The following NFIB variants were observed in gnomAD, a reference collection of about 807,000 sequenced individuals.
NFIB encodes nuclear factor 1 B-type.
In NFIB, 11 loss-of-function variants were observed where a neutral mutation model predicts 61.5. The observed-to-expected ratio is 0.18, with a 90% confidence interval of 0.11 to 0.30. The LOEUF (loss-of-function observed/expected upper bound fraction) is 0.30. NFIB is among the 10% of genes least tolerant of loss of function. NFIB has a pLI of 1.00. For missense variants in NFIB, 471 were observed against 608.9 expected (o/e 0.77, Z 2.38); for synonymous variants, 260 against 216.5 (o/e 1.20, Z -1.76).
chr9:14,208,936 G>A (rs971549472), intron 2 of NFIB, among the ~76,000 whole-genome samples: 4 of 151,676 alleles, frequency 2.6e-5, no homozygotes, highest in Admixed American at 1.3e-4. Context: ...ACCCATAAGG[G>A]AAAAGAAGAA....
intron 10 of NFIB, among the ~76,000 whole-genome samples, chr9:14,096,052 T>C (rs998915845): frequency 6.6e-6 from 1 of 152,108 alleles, no homozygotes; most frequent in Non-Finnish European, 1.5e-5. Context: ...TAAATATGAC[T>C]AAAAAAATCA....
At chr9:14,496,391 G>A in the NFIB span, among the ~76,000 whole-genome samples, 12 of 152,294 alleles carry the variant, frequency 7.9e-5, no homozygotes, top group Non-Finnish European at 8.8e-5. Context: ...GTCAGGTGTG[G>A]AATTTTCCAC....
intron 10 of NFIB, chr9:14,094,265 T>C (rs2034435017): frequency 1.3e-5 from 2 of 152,124 alleles, no homozygotes; most frequent in South Asian, 2.1e-4. Context: ...ACTTTGTGAA[T>C]TGAGGTTCAT....
At chr9:14,524,572 G>A in the NFIB span, among the ~76,000 whole-genome samples, 1 of 152,126 alleles carries the variant, frequency 6.6e-6, no homozygotes, top group African/African-American at 2.4e-5. Context: ...CCGCAAAATG[G>A]CACAGGTGAA....
intron 2 of NFIB, among the ~76,000 whole-genome samples, chr9:14,235,466 A>C (rs776392773): frequency 6.6e-6 from 1 of 152,134 alleles, no homozygotes; most frequent in Non-Finnish European, 1.5e-5. Flanking sequence ...TTGCCTGACA[A>C]CTTTGACATA....
chr9:14,252,866 A>C (rs997629624), intron 2 of NFIB, among the ~76,000 whole-genome samples: 1 of 150,774 alleles, frequency 6.6e-6, no homozygotes, highest in Admixed American at 6.6e-5. Flanking sequence ...TATTAAACTC[A>C]GGTAAACTTC....
intron 1 of NFIB, among the ~76,000 whole-genome samples, chr9:14,376,499 G>C (rs2061421099): frequency 6.7e-6 from 1 of 150,264 alleles, no homozygotes; most frequent in African/African-American, 2.5e-5. Flanking sequence ...ACTGGTTAAA[G>C]AGCACTTCTA....
intron 2 of NFIB, among the ~76,000 whole-genome samples, chr9:14,238,642 G>T (rs948550491): frequency 1.3e-5 from 2 of 152,114 alleles, no homozygotes; most frequent in African/African-American, 4.8e-5. Context: ...GCTTACATCC[G>T]CCTGGTCCAA....
chr9:14,109,256 G>A (rs900563084), intron 10 of NFIB, among the ~76,000 whole-genome samples: 2 of 151,994 alleles, frequency 1.3e-5, no homozygotes, highest in African/African-American at 2.4e-5. Context: ...CTGATTGATA[G>A]TTCCCATTTT....
At chr9:14,162,433 T>C (rs2044309315) in intron 3 of NFIB, among the ~76,000 whole-genome samples, 1 of 152,116 alleles carries the variant, frequency 6.6e-6, no homozygotes, top group South Asian at 2.1e-4. Flanking sequence ...GTAGATTTAA[T>C]TATCTTTGCT....
At chr9:14,261,835 A>T (rs1245669656) in intron 2 of NFIB, among the ~76,000 whole-genome samples, 1 of 152,184 alleles carries the variant, frequency 6.6e-6, no homozygotes, top group Non-Finnish European at 1.5e-5. Flanking sequence ...AGCTCAGTTA[A>T]TGGAAATTCG....
chr9:14,476,895 G>A, the NFIB span, among the ~76,000 whole-genome samples: 1 of 152,158 alleles, frequency 6.6e-6, no homozygotes, highest in Non-Finnish European at 1.5e-5. Flanking sequence ...ATAAATATTT[G>A]TTAAAAATAG....
chr9:14,257,848 T>G lies in NFIB; in HGVS notation c.562+49141A>C, dbSNP rs140399185. On this transcript the variant is annotated intron_variant, in intron 2 of 10. Transcript: ENST00000380953. Reference sequence around the variant, plus strand: ...GTTTCCTTGTCATTGAATTTATTAATATAAGTAGGCAGAATTATTTGTTAT... The same window carrying G: ...GTTTCCTTGTCATTGAATTTATTAAGATAAGTAGGCAGAATTATTTGTTAT... 4.6e-5 allele frequency among the ~76,000 whole-genome samples: 7 copies of G among 152,316 alleles called. No homozygotes were observed. In the South Asian group the frequency reaches 1.2e-3, roughly 27 times the overall value.
At chr9:14,449,546 T>C in the NFIB span, among the ~76,000 whole-genome samples, 4 of 152,210 alleles carry the variant, frequency 2.6e-5, no homozygotes, top group Non-Finnish European at 5.9e-5. Flanking sequence ...AGTGTGATCA[T>C]AAAGGAAGTT....
intron 1 of NFIB, among the ~76,000 whole-genome samples, chr9:14,319,313 A>G (rs2060611799): frequency 6.6e-6 from 1 of 152,190 alleles, no homozygotes. Flanking sequence ...TCCGGTTTTC[A>G]CTTCTCAACA....
At chr9:14,376,315 A>T (rs4741368) in intron 1 of NFIB, among the ~76,000 whole-genome samples, 47,627 of 151,992 alleles carry the variant, frequency 0.31, 8,257 homozygotes, top group Admixed American at 0.38. Context: ...CATAATTTTT[A>T]AAAAAGTTAA....
chr9:14,433,836 C>T, the NFIB span, among the ~76,000 whole-genome samples: 1 of 152,184 alleles, frequency 6.6e-6, no homozygotes, highest in Non-Finnish European at 1.5e-5. Flanking sequence ...ATAATGCTTT[C>T]TGTTTTATTG....
chr9:14,185,258 G>GA (rs1399128987), intron 2 of NFIB, among the ~76,000 whole-genome samples: 3 of 151,874 alleles, frequency 2.0e-5, no homozygotes, highest in Non-Finnish European at 4.4e-5. Context: ...ACAATGCCGT[G>GA]AAAAAACGAC....
intron 1 of NFIB, among the ~76,000 whole-genome samples, chr9:14,309,172 CTAAT>C (rs2060168670): frequency 6.6e-6 from 1 of 152,174 alleles, no homozygotes; most frequent in Non-Finnish European, 1.5e-5. Context: ...AGCAGACTGA[CTAAT>C]TAATTCCATT....
Sources: gnomAD v4.1 joint callset for allele counts (sites outside exome capture counted in the v4.1 genomes callset) on GRCh38, gnomAD v4.1.1 for gene constraint, MANE v1.5 for transcripts, NCBI Gene and HGNC (gene_info 2026-07-23, HGNC 2026-07-21) for gene names.